The following AATK variants were observed in gnomAD, a reference collection of about 807,000 sequenced individuals.
The protein encoded by AATK is lemur tail kinase 1.
In AATK, 91 loss-of-function variants were observed where a neutral mutation model predicts 114.3. That is an observed-to-expected ratio of 0.80 (90% CI 0.67 to 0.95). The LOEUF is 0.95. Ranked by LOEUF, AATK falls within the 40% of genes least tolerant of loss-of-function variation. AATK has a pLI of 0.00. For missense variants in AATK, 2,176 were observed against 1,965.2 expected, an observed-to-expected ratio of 1.11 and a Z score of -2.03; for synonymous variants, 1,075 against 916.5, an observed-to-expected ratio of 1.17 and a Z score of -3.12.
rs765569462 is a variant in AATK, at chr17:81,119,458, G to A, written c.4006C>T (p.Arg1336Cys). 4 of 1,513,276 alleles carry A rather than the reference G, an allele frequency of 2.6e-6. No homozygotes were observed. Among genetic ancestry groups the A allele is most frequent in the South Asian group, 1.3e-5 (1 of 78,288 alleles). The allele number at this position is 1,513,276 out of a possible 1,614,324, so 93.7% of individuals were successfully genotyped here. A position where few individuals can be genotyped will look rare whatever the true frequency, so the allele number is the denominator to read the frequency against. Residue 1336 changes from arginine to cysteine, a missense_variant, in exon 13 of 14, where the codon CGC becomes TGC. Physicochemically the swap from Arg to Cys is radical, Grantham distance 180 (BLOSUM62 -3). This residue lies in a region of AATK where 1,701 missense variants were observed against 1,394.7 expected (regional missense o/e 1.22). Transcript: ENST00000326724. ...GTGGGCGCGGGCGACACCGTGAAGC[G>A]CGAGAAGGGAGCGGGCGTGGGCGTG... is the stretch of plus-strand genomic sequence containing the variant. ...APTPTPAPFS[R>C]FTVSPAPTSR...
chr17:81,139,549 G>A (rs1320031362), intron 1 of AATK, among the ~76,000 whole-genome samples: 4 of 152,240 alleles, frequency 2.6e-5, no homozygotes, highest in African/African-American at 7.2e-5. Flanking sequence ...TTCCAAGCCC[G>A]GCCCTCTGCT....
At chr17:81,146,188 T>TAAA (rs34197372) in intron 1 of AATK, among the ~76,000 whole-genome samples, 17 of 124,648 alleles carry the variant, frequency 1.4e-4, no homozygotes, top group Admixed American at 2.5e-4. Flanking sequence ...GACTCCATAT[T>TAAA]AAAAAAAAAA....
In AATK at chr17:81,122,119, G is replaced by C. The variant is rs770979855; in HGVS notation, c.1817C>G (p.Pro606Arg). 2 of 1,550,224 alleles carry C rather than the reference G, an allele frequency of 1.3e-6. No homozygotes were observed. Among genetic ancestry groups the C allele is most frequent in the Non-Finnish European group, 1.7e-6 (2 of 1,151,716 alleles). ...RRSLARDPLC[P>R]SRSPSPSAGP... is the part of the protein sequence containing the mutation. ...CGCCGAGGGCGAGGGAGAGCGTGAG[G>C]GGCAGAGCGGGTCCCGCGCCAAGCT... Residue 606 changes from proline to arginine, a missense_variant, in exon 11 of 14, where the codon CCC becomes CGC. Transcript: ENST00000326724.
chr17:81,165,642 G>A (rs1341825992), intron 1 of AATK: 2 of 1,478,040 alleles, frequency 1.4e-6, no homozygotes, highest in African/African-American at 1.4e-5. Flanking sequence ...AACTCTCCTG[G>A]ACACCAGGGG....
At chr17:81,132,900 A>G (rs59608595) in intron 2 of AATK, 34,267 of 240,026 alleles carry the variant, frequency 0.14, 2,848 homozygotes, top group South Asian at 0.18. Context: ...AGGAGGAGCT[A>G]TGGCCAGCCC....
chr17:81,142,668 T>C (rs958327715), intron 1 of AATK, among the ~76,000 whole-genome samples: 2 of 152,142 alleles, frequency 1.3e-5, no homozygotes, highest in Non-Finnish European at 2.9e-5. Flanking sequence ...AGGAGGTGCT[T>C]GGGGTGGAGA....
rs146763174 is a variant in AATK at position 81,125,325 on chromosome 17, G to A, written c.756-311C>T. The stretch of plus-strand genomic sequence containing the variant: ...GGTGAGAACCTGCCGGAACCCACCC[G>A]GACCGGTCCACGCTTCTCCAGGACC... On this transcript the variant is annotated intron_variant, in intron 7 of 13. Coordinates refer to ENST00000326724, the MANE Select transcript of AATK (RefSeq NM_001080395.3). 2.1e-4 allele frequency: 151 copies of A among 715,570 alleles called. 2 individuals are homozygous for A. Among genetic ancestry groups the A allele is most frequent in the African/African-American group, 1.7e-3 (96 of 57,938 alleles). The allele number at this position is 715,570 out of a possible 1,614,324, so 44.3% of individuals were successfully genotyped here. A position where few individuals can be genotyped will look rare whatever the true frequency, so the allele number is the denominator to read the frequency against.
intron 1 of AATK, among the ~76,000 whole-genome samples, chr17:81,164,891 A>G (rs1290232644): frequency 1.3e-5 from 2 of 152,166 alleles, no homozygotes; most frequent in East Asian, 1.9e-4. Flanking sequence ...CAGACCTCCC[A>G]CCAGCTCCCT....
chr17:81,121,701 G>C lies in AATK; in HGVS notation c.2235C>G (p.Leu745=). The change falls in exon 11 of 14, where the codon CTC becomes CTG. Residue 745 remains leucine (L), a synonymous_variant. Transcript: ENST00000326724. ...GGCCCTGGGCAGAGCATAGATGAGG[G>C]AGGCCGGGGCAGCAGCCTGGCTCCT... is the stretch of plus-strand genomic sequence containing the variant. ...SAQEPGCCPG[L]PHLCSAQGLA... The C allele has an allele frequency of 2.0e-6, 3 of 1,496,926 alleles. No homozygotes were observed. The highest frequency in any genetic ancestry group is 8.9e-7 in the Non-Finnish European group (1 of 1,127,006). 92.7% of individuals were successfully genotyped at this position (1,496,926 alleles called of 1,614,324 possible). A position where few individuals can be genotyped will look rare whatever the true frequency, so the allele number is the denominator to read the frequency against.
chr17:81,131,273 A>G (rs1598930164), intron 2 of AATK, 68 bp from the exon 3 acceptor site: 1 of 1,483,588 alleles, frequency 6.7e-7, no homozygotes, highest in South Asian at 1.3e-5. Flanking sequence ...GGGCCTGGAA[A>G]GGCCCCTTTC....
chr17:81,118,209 G>T lies in AATK; in HGVS notation c.*193C>A. On this transcript the variant is annotated 3_prime_UTR_variant, in exon 14 of 14. Coordinates refer to ENST00000326724, the MANE Select transcript of AATK (RefSeq NM_001080395.3). ...CCAGACGAATTCTGCCTCTGGGGCG[G>T]AGCATGGCCGATCTACCATCCAGGG... 2 of 604,590 alleles carry T rather than the reference G, an allele frequency of 3.3e-6. No homozygotes were observed. The highest frequency in any genetic ancestry group is 5.8e-6 in the Non-Finnish European group (2 of 343,606). 37.5% of individuals were successfully genotyped at this position (604,590 alleles called of 1,614,324 possible). A position where few individuals can be genotyped will look rare whatever the true frequency, so the allele number is the denominator to read the frequency against.
chr17:81,155,770 C>T (rs905433931), intron 1 of AATK, among the ~76,000 whole-genome samples: 6 of 151,938 alleles, frequency 3.9e-5, no homozygotes, highest in African/African-American at 1.5e-4. Flanking sequence ...ACTGCAGCCT[C>T]GAACTCCTGG....
chr17:81,126,019 CG>C lies in AATK; in HGVS notation c.755+407del. The stretch of plus-strand genomic sequence containing the variant: ...CGCCACTTCTTCCAGCATGTCCCCC[CG>C]GGGTCCCCAGGGGCTGGGCATCCTG... On this transcript the variant is annotated intron_variant, in intron 7 of 13. Transcript: ENST00000326724. The surrounding 1 kb of genome is among the most constrained non-coding windows in gnomAD (Gnocchi z 5.1). The C allele has an allele frequency of 2.5e-5, 12 of 478,296 alleles. No individual in the cohort carries two copies. Among genetic ancestry groups the C allele is most frequent in the South Asian group, 1.9e-4 (12 of 64,576 alleles). The allele number at this position is 478,296 out of a possible 1,614,324, so 29.6% of individuals were successfully genotyped here.
Position 81,158,568 on chromosome 17 carries a change from C to T in AATK, c.55+7370G>A, listed in dbSNP as rs2061394391. Reference sequence around the variant, plus strand: ...TGCTCACTGCGCACAGACCTGAGGCCTTGTGTCCAGGACCTGCCCACTGCC... The same window carrying T: ...TGCTCACTGCGCACAGACCTGAGGCTTTGTGTCCAGGACCTGCCCACTGCC... On this transcript the variant is annotated intron_variant, in intron 1 of 13. Coordinates refer to ENST00000326724, the MANE Select transcript of AATK (RefSeq NM_001080395.3). Among the ~76,000 whole-genome samples, 2 of 152,218 alleles carry T rather than the reference C, an allele frequency of 1.3e-5. 1 individual carries two copies. Among genetic ancestry groups the T allele is most frequent in the Non-Finnish European group, 2.9e-5 (2 of 68,026 alleles).
rs769196106 is a variant in AATK at position 81,120,671 on chromosome 17, C to A, written c.3265G>T (p.Val1089Leu). Residue 1089 changes from valine (V) to leucine (L), a missense_variant, in exon 11 of 14, where the codon GTG becomes TTG. By Grantham distance (32) the Val-to-Leu change is conservative. Around this residue, in one of 4 missense-constraint regions of AATK, gnomAD observed 1,701 missense variants for 1,394.7 expected, o/e 1.22. Transcript: ENST00000326724. Reference sequence around the variant, plus strand: ...CAGCTGGGGCTGGGCCCAGGCCGCACCTTGGCTGGGCCTTGGGGCTCCGGA... The same window carrying A: ...CAGCTGGGGCTGGGCCCAGGCCGCAACTTGGCTGGGCCTTGGGGCTCCGGA... Reference protein sequence around the residue: ...EPPEPQGPAKVRPGPSPSCSQ... With the variant: ...EPPEPQGPAKLRPGPSPSCSQ... The A allele has an allele frequency of 2.1e-5, 32 of 1,518,146 alleles. No individual in the cohort carries two copies. The South Asian group carries it at 4.1e-4, about 19-fold the overall frequency. The allele number at this position is 1,518,146 out of a possible 1,614,324, so 94.0% of individuals were successfully genotyped here. A position where few individuals can be genotyped will look rare whatever the true frequency, so the allele number is the denominator to read the frequency against.
intron 13 of AATK, among the ~76,000 whole-genome samples, chr17:81,119,049 C>T (rs2060624975): frequency 1.3e-5 from 2 of 152,158 alleles, no homozygotes; most frequent in Non-Finnish European, 2.9e-5. Flanking sequence ...GCAGGGACTT[C>T]TGGCTGGGAA....
rs34553859 is a variant in AATK, at chr17:81,135,491, G to A, written c.56-990C>T. ...TTTCCGGCCACCCCCAGTGCCTTTT[G>A]CCACTGAGCACCTGCAACTTCTCAG... On this transcript the variant is annotated intron_variant, in intron 1 of 13. Coordinates refer to ENST00000326724, the MANE Select transcript of AATK (RefSeq NM_001080395.3). 7.6e-3 allele frequency among the ~76,000 whole-genome samples: 1,153 copies of A among 152,208 alleles called. 3 individuals are homozygous for A. Among genetic ancestry groups the A allele is most frequent in the Non-Finnish European group, 0.011 (738 of 68,002 alleles).
At chr17:81,163,014 C>CG (rs1180240538) in intron 1 of AATK, among the ~76,000 whole-genome samples, 1 of 152,238 alleles carries the variant, frequency 6.6e-6, no homozygotes, top group Admixed American at 6.5e-5. Context: ...CCATCACAGC[C>CG]ATTCCCACCT....
chr17:81,122,471 C>A lies in AATK; in HGVS notation c.1465G>T (p.Ala489Ser). Residue 489 changes from alanine (A) to serine (S), a missense_variant, in exon 11 of 14, where the codon GCC becomes TCC. Ala to Ser is a moderately conservative substitution (Grantham distance 99). Around this residue, in one of 4 missense-constraint regions of AATK, gnomAD observed 1,701 missense variants for 1,394.7 expected, o/e 1.22. Transcript: ENST00000326724. ...CCAGGGCTCAGCGTGGCCGGGAAGG[C>A]CTCCGCGCCGCGGCCCGCCTCCCAC... Reference protein sequence around the residue: ...YKWEAGRGAEAFPATLSPGRT... With the variant: ...YKWEAGRGAESFPATLSPGRT... The A allele has an allele frequency of 6.9e-7, 1 of 1,453,354 alleles. No individual in the cohort carries two copies. The highest frequency in any genetic ancestry group is 9.1e-7 in the Non-Finnish European group (1 of 1,099,034). The allele number at this position is 1,453,354 out of a possible 1,614,324, so 90.0% of individuals were successfully genotyped here.
Sources: gnomAD v4.1 joint callset for allele counts (sites outside exome capture counted in the v4.1 genomes callset) on GRCh38, gnomAD v4.1.1 for gene constraint, gnomAD v4.1.1 regional missense constraint, Gnocchi (gnomAD v3.1) non-coding constraint, MANE v1.5 for transcripts, NCBI Gene and HGNC (gene_info 2026-07-23, HGNC 2026-07-21) for gene names.